Variants in TRIM2 observed in about 807,000 individuals in gnomAD.
TRIM2 encodes tripartite motif containing 2.
In TRIM2, 20 loss-of-function variants were observed where a neutral mutation model predicts 75.2. The observed-to-expected ratio is 0.27, with a 90% confidence interval of 0.19 to 0.39. The LOEUF is 0.39. Ranked by LOEUF, TRIM2 falls within the 10% of genes least tolerant of loss-of-function variation. TRIM2 has a pLI of 1.00. For missense variants in TRIM2, 660 were observed against 990.8 expected, an observed-to-expected ratio of 0.67 and a Z score of 4.48; for synonymous variants, 373 against 388.3, an observed-to-expected ratio of 0.96 and a Z score of 0.46.
intron 1 of TRIM2, among the ~76,000 whole-genome samples, chr4:153,249,105 T>C (rs1750096949): frequency 6.6e-6 from 1 of 152,186 alleles, no homozygotes; most frequent in Non-Finnish European, 1.5e-5. Context: ...TCCCTCCTCT[T>C]CCCCACATCG....
chr4:153,314,861 AGCTGCT>A (rs1767251009), intron 6 of TRIM2, among the ~76,000 whole-genome samples: 2 of 152,134 alleles, frequency 1.3e-5, no homozygotes, highest in Non-Finnish European at 2.9e-5. Flanking sequence ...TTCTTCCAAG[AGCTGCT>A]GAGTGAGAGG....
intron 10 of TRIM2, among the ~76,000 whole-genome samples, chr4:153,327,648 A>T (rs1770540895): frequency 6.6e-6 from 1 of 152,242 alleles, no homozygotes; most frequent in South Asian, 2.1e-4. Context: ...TGTTATCATT[A>T]AACATTAACA....
chr4:153,312,020 C>T (rs1766468469), intron 6 of TRIM2, among the ~76,000 whole-genome samples: 1 of 151,200 alleles, frequency 6.6e-6, no homozygotes, highest in East Asian at 1.9e-4. Flanking sequence ...CCCACTAACT[C>T]GTCATCTAGC....
At chr4:153,280,583 T>C (rs530128626) in intron 3 of TRIM2, among the ~76,000 whole-genome samples, 1 of 152,190 alleles carries the variant, frequency 6.6e-6, no homozygotes, top group African/African-American at 2.4e-5. Flanking sequence ...AAAGGTCTTA[T>C]GTTGCCCAGG....
At chr4:153,187,964 C>A (rs1009762290) in intron 1 of TRIM2, among the ~76,000 whole-genome samples, 1 of 152,062 alleles carries the variant, frequency 6.6e-6, no homozygotes, top group African/African-American at 2.4e-5. Context: ...TTCCTAAGTC[C>A]CCTTCATAGG....
At position 153,336,485 on chromosome 4, in the gene TRIM2, ATC is replaced by A. The variant is rs1283321916; in HGVS notation, c.*1521_*1522del. The A allele has an allele frequency of 2.0e-6, 2 of 985,734 alleles. No individual in the cohort carries two copies. Among genetic ancestry groups the A allele is most frequent in the Non-Finnish European group, 2.4e-6 (2 of 829,938 alleles). The allele number at this position is 985,734 out of a possible 1,614,324, so 61.1% of individuals were successfully genotyped here. On this transcript the variant is annotated 3_prime_UTR_variant, in exon 12 of 12. Coordinates refer to ENST00000338700, the MANE Select transcript of TRIM2 (RefSeq NM_015271.5). ...TTAAGAACAATTTAGTCAATCGTTC[ATC>A]TGTCATTGGTACTGTAAAATAAGCT...
At chr4:153,251,605 G>T (rs992283787) in intron 1 of TRIM2, among the ~76,000 whole-genome samples, 1 of 151,992 alleles carries the variant, frequency 6.6e-6, no homozygotes, top group African/African-American at 2.4e-5. Context: ...ATTAAATCAG[G>T]GTACTTAGCA....
chr4:153,324,240 C>G, intron 10 of TRIM2, 92 bp downstream of exon 10: 1 of 1,082,652 alleles, frequency 9.2e-7, no homozygotes, highest in Non-Finnish European at 1.3e-6. Context: ...ACATATGGCA[C>G]CAAAGGGAGT....
At chr4:153,278,927 A>C (rs1758625827) in intron 3 of TRIM2, among the ~76,000 whole-genome samples, 2 of 152,216 alleles carry the variant, frequency 1.3e-5, no homozygotes, top group South Asian at 4.1e-4. Flanking sequence ...AGCGGAGTTG[A>C]GGGTGGGACA....
chr4:153,242,129 C>A (rs1043623085), intron 1 of TRIM2, among the ~76,000 whole-genome samples: 2 of 152,188 alleles, frequency 1.3e-5, no homozygotes, highest in African/African-American at 2.4e-5. Flanking sequence ...GCTTTTATCA[C>A]TTCACCCTGC....
intron 4 of TRIM2, among the ~76,000 whole-genome samples, chr4:153,293,685 C>G (rs1356189308): frequency 6.6e-6 from 1 of 152,160 alleles, no homozygotes; most frequent in Admixed American, 6.5e-5. Flanking sequence ...GAAAAGCAGA[C>G]AAAATAAATC....
chr4:153,161,196 G>A (rs953631400), intron 1 of TRIM2, among the ~76,000 whole-genome samples: 22 of 152,180 alleles, frequency 1.4e-4, no homozygotes, highest in African/African-American at 5.3e-4. Flanking sequence ...TTTTGAGATG[G>A]AGACTGTATT....
intron 1 of TRIM2, among the ~76,000 whole-genome samples, chr4:153,232,460 C>A (rs1272160154): frequency 6.6e-6 from 1 of 152,168 alleles, no homozygotes; most frequent in African/African-American, 2.4e-5. Flanking sequence ...GATCATGCCA[C>A]TGCGCTCCAG....
chr4:153,222,006 A>AAAGAAGGAAGGAAAGAGCAAG (rs1560836107), intron 1 of TRIM2, among the ~76,000 whole-genome samples: 31 of 42,866 alleles, frequency 7.2e-4, no homozygotes, highest in African/African-American at 8.8e-4. Flanking sequence ...AAGGAAGGAA[A>AAAGAAGGAAGGAAAGAGCAAG]GAAGGAAGGA....
At chr4:153,154,356 C>A (rs1213865823) in intron 1 of TRIM2, among the ~76,000 whole-genome samples, 2 of 152,174 alleles carry the variant, frequency 1.3e-5, no homozygotes, top group Non-Finnish European at 2.9e-5. Flanking sequence ...ACCTCACCTT[C>A]CCCAGAGGGG....
At chr4:153,206,882 C>A (rs1051037738) in intron 1 of TRIM2, among the ~76,000 whole-genome samples, 1 of 152,034 alleles carries the variant, frequency 6.6e-6, no homozygotes, top group African/African-American at 2.4e-5. Flanking sequence ...GGTTTTCTTT[C>A]TTTCTTTTTT....
chr4:153,282,263 C>G (rs773864196), intron 3 of TRIM2, among the ~76,000 whole-genome samples: 1 of 152,202 alleles, frequency 6.6e-6, no homozygotes, highest in Non-Finnish European at 1.5e-5. Flanking sequence ...AACCGAAGCA[C>G]GAGCCTTTGA....
intron 1 of TRIM2, among the ~76,000 whole-genome samples, chr4:153,226,771 T>G (rs758758285): frequency 3.3e-5 from 5 of 152,138 alleles, no homozygotes; most frequent in Non-Finnish European, 7.3e-5. Flanking sequence ...CCTCTCAGAT[T>G]AAGACTCCTG....
At chr4:153,334,691 G>A in intron 11 of TRIM2, 123 bp from the exon 12 acceptor site, 1 of 945,902 alleles carries the variant, frequency 1.1e-6, no homozygotes, top group Non-Finnish European at 1.6e-6. Context: ...GGGTGTCAGA[G>A]TGAGACCCTG....
Sources: allele counts gnomAD v4.1 joint callset (sites outside exome capture counted in the v4.1 genomes callset), GRCh38; gene constraint gnomAD v4.1.1; transcripts MANE v1.5; gene names NCBI Gene and HGNC (gene_info 2026-07-23, HGNC 2026-07-21).